The following ZMYND8 variants were observed in gnomAD, a reference collection of about 807,000 sequenced individuals.
ZMYND8 encodes zinc finger MYND-type containing 8.
ZMYND8 carries 37 observed loss-of-function variants against 140.8 expected under a neutral mutation model. The observed-to-expected ratio is 0.26, with a 90% confidence interval of 0.20 to 0.35. ZMYND8 has a LOEUF of 0.35. ZMYND8 is among the 10% of genes least tolerant of loss of function. The pLI is 1.00. For missense variants in ZMYND8, 1,068 were observed against 1,570.0 expected (o/e 0.68, Z 5.40); for synonymous variants, 592 against 597.1 (o/e 0.99, Z 0.12).
intron 11 of ZMYND8, among the ~76,000 whole-genome samples, chr20:47,268,959 G>T (rs544416129): frequency 2.0e-4 from 31 of 152,196 alleles, no homozygotes; most frequent in Non-Finnish European, 4.1e-4. Flanking sequence ...CCAGCACTTC[G>T]GGAGGCCAAG....
intron 2 of ZMYND8, among the ~76,000 whole-genome samples, chr20:47,315,598 G>A (rs951021116): frequency 6.6e-6 from 1 of 152,144 alleles, no homozygotes. Context: ...CCTGACTGTA[G>A]CCGTGGTACC....
chr20:47,290,209 G>A lies in ZMYND8; in HGVS notation c.726C>T (p.His242=). 5 of 1,613,650 alleles carry A rather than the reference G, an allele frequency of 3.1e-6. No homozygotes were observed. The highest frequency in any genetic ancestry group is 4.2e-6 in the Non-Finnish European group (5 of 1,179,828). Residue 242 remains histidine (H), a synonymous_variant, in exon 7 of 23, where the codon CAC becomes CAT. Coordinates refer to ENST00000471951, the MANE Select transcript of ZMYND8 (RefSeq NM_001281775.3). ...CACCCCCATTATAAATGATGCAGTTGTGCAAAATCCACTTTGCATCAGCCA... is the reference window on the plus strand; with the variant it reads ...CACCCCCATTATAAATGATGCAGTTATGCAAAATCCACTTTGCATCAGCCA... ...AFLADAKWIL[H]NCIIYNGGNH...
chr20:47,236,597 C>T, intron 15 of ZMYND8, 81 bp from the exon 16 acceptor site: 2 of 1,349,582 alleles, frequency 1.5e-6, no homozygotes, highest in Non-Finnish European at 2.0e-6. Context: ...AGCAAAGCCC[C>T]TAATAGACAT....
intron 2 of ZMYND8, among the ~76,000 whole-genome samples, chr20:47,312,167 C>T (rs1291901334): frequency 2.0e-5 from 3 of 152,208 alleles, no homozygotes; most frequent in Non-Finnish European, 4.4e-5. Context: ...AGCATGTAGG[C>T]TGCATGGTGC....
chr20:47,330,684 C>T (rs1011695715), intron 2 of ZMYND8, among the ~76,000 whole-genome samples: 6 of 152,140 alleles, frequency 3.9e-5, no homozygotes, highest in Non-Finnish European at 5.9e-5. Context: ...CCACCAGTCG[C>T]TTTGCAGAGA....
At chr20:47,268,290 C>CTT (rs561765484) in intron 11 of ZMYND8, among the ~76,000 whole-genome samples, 29 of 107,326 alleles carry the variant, frequency 2.7e-4, no homozygotes, top group Non-Finnish European at 4.9e-4. Flanking sequence ...AACCCCGTCT[C>CTT]TTTTTTTTTT....
At chr20:47,250,892 GGT>G (rs1336249610) in intron 12 of ZMYND8, among the ~76,000 whole-genome samples, 1 of 152,210 alleles carries the variant, frequency 6.6e-6, no homozygotes, top group African/African-American at 2.4e-5. Flanking sequence ...AGCCAGGTGT[GGT>G]GGAATGCACC....
At chr20:47,332,017 C>T (rs1261507129) in intron 2 of ZMYND8, among the ~76,000 whole-genome samples, 1 of 152,138 alleles carries the variant, frequency 6.6e-6, no homozygotes, top group Non-Finnish European at 1.5e-5. Context: ...GCCTGACCAA[C>T]ATGGTGAAAC....
chr20:47,268,931 T>C (rs2075741233), intron 11 of ZMYND8, among the ~76,000 whole-genome samples: 1 of 152,122 alleles, frequency 6.6e-6, no homozygotes, highest in Non-Finnish European at 1.5e-5. Flanking sequence ...CCGGACGCAG[T>C]GGCTCACACC....
chr20:47,215,827 G>A (rs146420433), intron 21 of ZMYND8, among the ~76,000 whole-genome samples: 60 of 152,300 alleles, frequency 3.9e-4, no homozygotes, highest in African/African-American at 1.4e-3. Context: ...CTTCAGCAGC[G>A]ACACGTGGCT....
At chr20:47,218,663 CATCTT>C (rs2036477304) in intron 21 of ZMYND8, among the ~76,000 whole-genome samples, 1 of 152,280 alleles carries the variant, frequency 6.6e-6, no homozygotes, top group Admixed American at 6.5e-5. Flanking sequence ...ATGCTAAAGA[CATCTT>C]AGCACTAAAC....
intron 1 of ZMYND8, 93 bp from the exon 2 acceptor site, chr20:47,348,019 T>TAA (rs1436844321): frequency 8.3e-7 from 1 of 1,199,158 alleles, no homozygotes; most frequent in Non-Finnish European, 1.2e-6. Context: ...AAACACACCT[T>TAA]AAAGACATTC....
intron 17 of ZMYND8, among the ~76,000 whole-genome samples, chr20:47,228,471 T>C (rs2038016375): frequency 6.6e-6 from 1 of 152,096 alleles, no homozygotes; most frequent in South Asian, 2.1e-4. Flanking sequence ...AGGTTTCAGG[T>C]GAGATATTAT....
At chr20:47,260,880 G>A (rs1241979702) in intron 12 of ZMYND8, among the ~76,000 whole-genome samples, 1 of 152,192 alleles carries the variant, frequency 6.6e-6, no homozygotes, top group Non-Finnish European at 1.5e-5. Context: ...GCACATAATA[G>A]ATGTTCAAGA....
chr20:47,309,155 G>A (rs1980203915), intron 3 of ZMYND8, among the ~76,000 whole-genome samples: 1 of 152,136 alleles, frequency 6.6e-6, no homozygotes, highest in Admixed American at 6.5e-5. Flanking sequence ...GATCCAAACG[G>A]TGAACGGATT....
At chr20:47,313,787 G>A (rs377474573) in intron 2 of ZMYND8, among the ~76,000 whole-genome samples, 46 of 151,750 alleles carry the variant, frequency 3.0e-4, no homozygotes, top group Non-Finnish European at 3.5e-4. Flanking sequence ...CAAAAAACTA[G>A]CTGGGTGTGG....
chr20:47,216,828 G>C (rs935725418), intron 21 of ZMYND8, among the ~76,000 whole-genome samples: 3 of 152,062 alleles, frequency 2.0e-5, no homozygotes, highest in Admixed American at 6.5e-5. Context: ...AATAAAAAAA[G>C]AACACAGGTC....
intron 12 of ZMYND8, among the ~76,000 whole-genome samples, chr20:47,254,518 T>C (rs906573960): frequency 3.9e-5 from 6 of 152,162 alleles, no homozygotes; most frequent in Non-Finnish European, 5.9e-5. Context: ...TAAATACAGC[T>C]GCTAAAATGA....
chr20:47,334,595 GA>G lies in ZMYND8; in HGVS notation c.85+13260del, dbSNP rs58024466. On this transcript the variant is annotated intron_variant, in intron 2 of 22. Transcript: ENST00000471951. ...TGTGCTGTTGGCTGCACAACTCTGT[GA>G]AAAAAAAAAATATATATATATATAT... 9.2e-3 allele frequency among the ~76,000 whole-genome samples: 1,275 copies of G among 139,232 alleles called. 20 individuals are homozygous for G. The highest frequency in any genetic ancestry group is 0.028 in the African/African-American group (1,034 of 36,454). 91.3% of individuals were successfully genotyped at this position (139,232 alleles called of 152,430 possible). A position where few individuals can be genotyped will look rare whatever the true frequency, so the allele number is the denominator to read the frequency against.
Sources: allele counts gnomAD v4.1 joint callset (sites outside exome capture counted in the v4.1 genomes callset), GRCh38; gene constraint gnomAD v4.1.1; transcripts MANE v1.5; gene names NCBI Gene and HGNC (gene_info 2026-07-23, HGNC 2026-07-21).